UBL7: variants seen among roughly 807,000 people sequenced by gnomAD.
UBL7 encodes the protein ubiquitin-like protein 7.
Under a neutral mutation model 41.7 loss-of-function variants are expected in UBL7, and 21 were observed. The observed-to-expected ratio is 0.50, with a 90% CI of 0.36 to 0.73. UBL7 has a LOEUF of 0.73. UBL7 is among the 30% of genes least tolerant of loss of function. The probability of loss-of-function intolerance (pLI) is 0.00; values close to 1 mark genes in which losing one functional copy is unlikely to be tolerated. For missense variants in UBL7, 403 were observed against 478.4 expected, an observed-to-expected ratio of 0.84 and a Z score of 1.47; for synonymous variants, 157 against 186.9, an observed-to-expected ratio of 0.84 and a Z score of 1.31.
Position 74,449,300 on chromosome 15 carries a change from C to G in UBL7, c.768G>C (p.Leu256=). 1 of 1,613,978 alleles carries G rather than the reference C, an allele frequency of 6.2e-7. No homozygotes were observed. Among genetic ancestry groups the G allele is most frequent in the Non-Finnish European group, 8.5e-7 (1 of 1,179,970 alleles). The stretch of plus-strand genomic sequence containing the variant: ...GGGGCCCAGCAGCTCCACTGTACCC[C>G]AGGGAGGCTGGGCGGGAGCTGGGAG... ...SSTPSSRPAS[L]GYSGAAGPRP... Residue 256 remains leucine (L), a synonymous_variant, in exon 9 of 11, where the codon CTG becomes CTC. Coordinates refer to ENST00000395081, the MANE Select transcript of UBL7 (RefSeq NM_032907.5).
intron 2 of UBL7, among the ~76,000 whole-genome samples, chr15:74,458,478 T>C (rs376664546): frequency 1.3e-5 from 2 of 152,298 alleles, no homozygotes; most frequent in East Asian, 1.9e-4. Flanking sequence ...GGTGATAAGG[T>C]AGTTCAGTAT....
At chr15:74,452,109 G>A (rs1159398525) in intron 4 of UBL7, among the ~76,000 whole-genome samples, 187 bp downstream of exon 4, 1 of 152,158 alleles carries the variant, frequency 6.6e-6, no homozygotes, top group Non-Finnish European at 1.5e-5. Context: ...AATCAACAAC[G>A]CCTGACTGAG....
intron 7 of UBL7, 25 bp downstream of exon 7, chr15:74,449,911 C>T (rs1206309537): frequency 6.2e-7 from 1 of 1,600,550 alleles, no homozygotes. Context: ...CTGAGGGGCC[C>T]ACATTACACT....
intron 9 of UBL7, 143 bp from the exon 10 acceptor site, chr15:74,448,743 A>C: frequency 8.3e-7 from 1 of 1,204,618 alleles, no homozygotes; most frequent in Non-Finnish European, 1.2e-6. Flanking sequence ...AGACAACCAA[A>C]CAAAGGTAAC....
intron 1 of UBL7, among the ~76,000 whole-genome samples, chr15:74,459,866 G>T (rs1157396808): frequency 7.0e-6 from 1 of 142,464 alleles, no homozygotes; most frequent in Non-Finnish European, 1.5e-5. Context: ...TCGGAAGGCT[G>T]AGGTTGCAGT....
chr15:74,448,550 C>T lies in UBL7; in HGVS notation c.933G>A (p.Thr311=), dbSNP rs756985043. 17 of 1,614,126 alleles carry T rather than the reference C, an allele frequency of 1.1e-5. No homozygotes were observed. Among genetic ancestry groups the T allele is most frequent in the African/African-American group, 4.0e-5 (3 of 75,032 alleles). Residue 311 remains threonine, a synonymous_variant, in exon 10 of 11, where the codon ACG becomes ACA. Transcript: ENST00000395081. ...GGCTGAAGAGATCATTGGTGATGGG[C>T]GTCCCTGACTGGACACCAGAGGACA... The part of the protein sequence containing the change: ...SPMSSGVQSG[T]PITNDLFSQA...
In UBL7 at chr15:74,452,366, T is replaced by C; in HGVS notation, c.317A>G (p.Lys106Arg). The C allele has an allele frequency of 6.4e-7, 1 of 1,558,956 alleles. No individual in the cohort carries two copies. Residue 106 changes from lysine to arginine, a missense_variant, in exon 4 of 11, where the codon AAA (lysine) becomes AGA (arginine). Physicochemically the swap from Lys to Arg is conservative, Grantham distance 26. Transcript: ENST00000395081. ...EPDQKPEPVD[K>R]VAAMREFRVL... ...CCGGAACTCTCTCATGGCAGCCACT[T>C]TGTCCACAGGTTCTGGGGGACAAGA...
At chr15:74,455,745 G>A (rs2061287616) in intron 3 of UBL7, among the ~76,000 whole-genome samples, 1 of 152,172 alleles carries the variant, frequency 6.6e-6, no homozygotes. Context: ...CTGTACTTTG[G>A]GAGGCTGAGG....
chr15:74,456,378 T>C (rs926979973), intron 3 of UBL7, among the ~76,000 whole-genome samples, 174 bp downstream of exon 3: 5 of 152,158 alleles, frequency 3.3e-5, no homozygotes, highest in African/African-American at 1.2e-4. Flanking sequence ...AAGGTCAAAA[T>C]TGGACTCTGT....
At position 74,456,569 on chromosome 15, in the gene UBL7, T is replaced by G. The variant is rs1482837244; in HGVS notation, c.287A>C (p.Glu96Ala). ...TCACTCACCCGGTTTCTGATCAGGT[T>G]CAGGCCAGGACTTTCGCAGAACATG... The part of the protein sequence containing the change: ...TVHVLRKSWP[E>A]PDQKPEPVDK... The change falls in exon 3 of 11, where the codon GAA (glutamate) becomes GCA (alanine). Residue 96 changes from glutamate to alanine, a missense_variant. Coordinates refer to ENST00000395081, the MANE Select transcript of UBL7 (RefSeq NM_032907.5). The G allele has an allele frequency of 6.2e-7, 1 of 1,614,096 alleles. No individual in the cohort carries two copies. The highest frequency in any genetic ancestry group is 2.2e-5 in the East Asian group (1 of 44,880).
chr15:74,449,492 T>C (rs1567087524), intron 8 of UBL7, 134 bp downstream of exon 8: 1 of 1,543,722 alleles, frequency 6.5e-7, no homozygotes, highest in South Asian at 1.1e-5. Flanking sequence ...AGAAATAGTA[T>C]GACATGGTCT....
intron 1 of UBL7, among the ~76,000 whole-genome samples, chr15:74,459,691 C>T (rs1246743912): frequency 1.3e-5 from 2 of 151,804 alleles, no homozygotes; most frequent in Non-Finnish European, 2.9e-5. Context: ...TCGGGCTGGG[C>T]GCGGTGGCTC....
At position 74,458,913 on chromosome 15, in the gene UBL7, C is replaced by T; in HGVS notation, c.-29-17G>A. The T allele has an allele frequency of 1.9e-6, 3 of 1,599,966 alleles. No individual in the cohort carries two copies. The highest frequency in any genetic ancestry group is 2.2e-5 in the East Asian group (1 of 44,816). ...TCTTTCTCCCTGTAAAAGAACAAAACCTCAGTGGTTAAAAGACAGACCACC... is the reference window on the plus strand; with the variant it reads ...TCTTTCTCCCTGTAAAAGAACAAAATCTCAGTGGTTAAAAGACAGACCACC... On this transcript the variant is annotated splice_polypyrimidine_tract_variant and intron_variant, in intron 1 of 10. Coordinates refer to ENST00000395081, the MANE Select transcript of UBL7 (RefSeq NM_032907.5).
At chr15:74,448,455 A>G in intron 10 of UBL7, 23 bp downstream of exon 10, 1 of 1,612,508 alleles carries the variant, frequency 6.2e-7, no homozygotes, top group Non-Finnish European at 8.5e-7. Context: ...CCACATGGAA[A>G]CCAAGACGTG....
rs377438916 is a variant in UBL7, at chr15:74,454,598, A to G, written c.304+1954T>C. Among the ~76,000 whole-genome samples the G allele has an allele frequency of 6.3e-4, 96 of 152,174 alleles. 1 individual carries two copies. Among genetic ancestry groups the G allele is most frequent in the Admixed American group, 1.0e-3 (16 of 15,286 alleles). On this transcript the variant is annotated intron_variant, in intron 3 of 10. Transcript: ENST00000395081. ...TTTTTAGTATAGACGGGGTTTCTCC[A>G]TGTTGGTCAGGCTTGTCTCGAACTC...
chr15:74,449,192 G>T lies in UBL7; in HGVS notation c.876C>A (p.Gly292=). The change falls in exon 9 of 11, where the codon GGC becomes GGA. Residue 292 remains glycine, a synonymous_variant. Transcript: ENST00000395081. ...CCCGGCCCCGTCTTCATACCTGGGTGCCAGGAGTCGGTGTGTGAGAGCTGC... is the reference window on the plus strand; with the variant it reads ...CCCGGCCCCGTCTTCATACCTGGGTTCCAGGAGTCGGTGTGTGAGAGCTGC... ...PESSSHTPTP[G]TQGHSSGTSP... is the part of the protein sequence containing the mutation. The T allele has an allele frequency of 6.5e-7, 1 of 1,548,830 alleles. No individual in the cohort carries two copies. The highest frequency in any genetic ancestry group is 2.1e-5 in the Admixed American group (1 of 48,432).
chr15:74,459,931 G>T (rs1483164000), intron 1 of UBL7, among the ~76,000 whole-genome samples: 3 of 36,756 alleles, frequency 8.2e-5, no homozygotes, highest in South Asian at 1.2e-3. Context: ...AGACTCTGTC[G>T]CAAAAAAAAA....
At chr15:74,458,379 G>A (rs1314234834) in intron 2 of UBL7, among the ~76,000 whole-genome samples, 1 of 152,132 alleles carries the variant, frequency 6.6e-6, no homozygotes, top group Non-Finnish European at 1.5e-5. Flanking sequence ...AGGTTGCAGT[G>A]AGCCGAGATC....
intron 8 of UBL7, 115 bp downstream of exon 8, chr15:74,449,511 C>A (rs2061220504): frequency 6.4e-7 from 1 of 1,568,976 alleles, no homozygotes; most frequent in Non-Finnish European, 8.8e-7. Flanking sequence ...CTTGGCCCCC[C>A]AATGGCGTAT....
Sources: allele counts gnomAD v4.1 joint callset (sites outside exome capture counted in the v4.1 genomes callset), GRCh38; gene constraint gnomAD v4.1.1; transcripts MANE v1.5; gene names NCBI Gene and HGNC (gene_info 2026-07-23, HGNC 2026-07-21).